Variants in DCDC1 observed in about 807,000 individuals in gnomAD.
DCDC1 encodes doublecortin domain containing 1, also known as doublecortin domain-containing protein 1.
A neutral mutation model predicts 178.3 loss-of-function variants in DCDC1; 200 were observed. That is an observed-to-expected ratio of 1.12 (90% CI 1.00 to 1.26). DCDC1 has a LOEUF of 1.26. Among genes scored for constraint, DCDC1 ranks in the 50% most tolerant of loss-of-function variants. The pLI, the probability that DCDC1 is intolerant of heterozygous loss-of-function variation, is 0.00. For missense variants in DCDC1, 1,983 were observed against 1,749.2 expected (o/e 1.13, Z -2.38); for synonymous variants, 690 against 604.8 (o/e 1.14, Z -2.07).
At chr11:31,361,851 A>G (rs1008441500) in intron 1 of DCDC1, among the ~76,000 whole-genome samples, 2 of 152,198 alleles carry the variant, frequency 1.3e-5, no homozygotes, top group African/African-American at 2.4e-5. Flanking sequence ...CATTTGCTCC[A>G]AATCCAACGC....
intron 9 of DCDC1, among the ~76,000 whole-genome samples, chr11:31,214,282 C>A (rs1407532192): frequency 6.6e-6 from 1 of 151,818 alleles, no homozygotes; most frequent in African/African-American, 2.4e-5. Context: ...AATCTTGGAA[C>A]AAGGGTTAAT....
At chr11:31,299,422 G>A (rs1466069908) in intron 6 of DCDC1, among the ~76,000 whole-genome samples, 1 of 152,068 alleles carries the variant, frequency 6.6e-6, no homozygotes, top group Non-Finnish European at 1.5e-5. Flanking sequence ...AGTTATGGCA[G>A]CTTAAAGTTA....
intron 9 of DCDC1, among the ~76,000 whole-genome samples, chr11:31,222,236 GTAT>G (rs912576316): frequency 1.3e-4 from 19 of 151,844 alleles, no homozygotes; most frequent in Non-Finnish European, 2.6e-4. Flanking sequence ...CTAATTTTTT[GTAT>G]TTTTAGTGAA....
chr11:30,947,186 T>A (rs1948105220), intron 21 of DCDC1, among the ~76,000 whole-genome samples: 1 of 151,978 alleles, frequency 6.6e-6, no homozygotes, highest in Non-Finnish European at 1.5e-5. Context: ...CAAAAATGCA[T>A]CATAAAGATA....
At chr11:30,920,730 T>C in intron 25 of DCDC1, 46 bp downstream of exon 25, 4 of 1,601,570 alleles carry the variant, frequency 2.5e-6, no homozygotes, top group Non-Finnish European at 3.4e-6. Context: ...ATGAGCTGAG[T>C]TCAAAAAGCA....
At chr11:31,286,773 C>A (rs1946869228) in intron 7 of DCDC1, among the ~76,000 whole-genome samples, 1 of 152,188 alleles carries the variant, frequency 6.6e-6, no homozygotes, top group Middle Eastern at 3.4e-3. Context: ...ACATCCAGAA[C>A]CCTTCCCACA....
At position 31,352,481 on chromosome 11, in the gene DCDC1, C is replaced by T. The variant is rs191884483; in HGVS notation, c.-124-16917G>A. On this transcript the variant is annotated intron_variant, in intron 1 of 38. Transcript: ENST00000684477. The stretch of plus-strand genomic sequence containing the variant: ...GAGCTCACAGTTTGATACTTAGCAA[C>T]GTAAGAGCTTTCGACTATTGTATTA... 5.1e-4 allele frequency among the ~76,000 whole-genome samples: 77 copies of T among 152,182 alleles called. 1 individual carries two copies. Among genetic ancestry groups the T allele is most frequent in the Non-Finnish European group, 2.1e-4 (14 of 67,980 alleles).
intron 2 of DCDC1, among the ~76,000 whole-genome samples, chr11:31,330,593 T>A (rs971872463): frequency 1.1e-4 from 17 of 152,348 alleles, no homozygotes; most frequent in Admixed American, 8.5e-4. Flanking sequence ...AAGGAAGGGA[T>A]CCAGTTTCAG....
At chr11:30,871,074 C>T (rs1484716365) in intron 38 of DCDC1, among the ~76,000 whole-genome samples, 2 of 152,172 alleles carry the variant, frequency 1.3e-5, no homozygotes, top group Non-Finnish European at 2.9e-5. Flanking sequence ...AGAAGCCATC[C>T]ATTCAACCTT....
At chr11:31,171,629 G>A (rs1967252895) in intron 9 of DCDC1, among the ~76,000 whole-genome samples, 1 of 152,178 alleles carries the variant, frequency 6.6e-6, no homozygotes, top group Non-Finnish European at 1.5e-5. Context: ...CATCCTAGAA[G>A]AGACGATCAT....
intron 9 of DCDC1, among the ~76,000 whole-genome samples, chr11:31,158,346 T>C (rs1965955411): frequency 6.6e-6 from 1 of 152,030 alleles, no homozygotes; most frequent in Non-Finnish European, 1.5e-5. Context: ...CTCGATCTCC[T>C]GACCTTGTGA....
intron 20 of DCDC1, among the ~76,000 whole-genome samples, chr11:30,963,665 A>G (rs1949253651): frequency 6.6e-6 from 1 of 152,136 alleles, no homozygotes; most frequent in South Asian, 2.1e-4. Context: ...GAGCCACATG[A>G]TAAGAATGGC....
intron 9 of DCDC1, among the ~76,000 whole-genome samples, chr11:31,218,168 A>AT (rs1234888516): frequency 1.3e-5 from 2 of 152,188 alleles, no homozygotes; most frequent in Non-Finnish European, 2.9e-5. Context: ...ATAATTACAG[A>AT]TTTTTTTAAT....
rs575203818 is a variant in DCDC1, at chr11:31,034,656, C to T, written c.2591+29813G>A. Reference sequence around the variant, plus strand: ...AGAGCAATAGGCTATACTGTATAGCCTAGGTGTGTAGTAGGCTATACCATT... The same window carrying T: ...AGAGCAATAGGCTATACTGTATAGCTTAGGTGTGTAGTAGGCTATACCATT... On this transcript the variant is annotated intron_variant, in intron 20 of 38. Transcript: ENST00000684477. 7.1e-3 allele frequency among the ~76,000 whole-genome samples: 1,084 copies of T among 152,236 alleles called. 5 individuals carry two copies. Among genetic ancestry groups the T allele is most frequent in the Non-Finnish European group, 0.012 (829 of 68,010 alleles).
In DCDC1 at chr11:31,345,257, G is replaced by GA. The variant is rs1950755115; in HGVS notation, c.-124-9694dup. Among the ~76,000 whole-genome samples the GA allele has an allele frequency of 3.3e-5, 5 of 152,206 alleles. No individual in the cohort carries two copies. In the South Asian group the frequency reaches 1.0e-3, roughly 32 times the overall value. The stretch of plus-strand genomic sequence containing the variant: ...TCAATTATAAATGATAAAATTCTAT[G>GA]AAAAAATGGAATAAACGTAAGTTTA... On this transcript the variant is annotated intron_variant, in intron 1 of 38. Coordinates refer to ENST00000684477, the MANE Select transcript of DCDC1 (RefSeq NM_001387274.1).
At position 31,328,185 on chromosome 11, in the gene DCDC1, G is replaced by C. The variant is rs1355273339; in HGVS notation, c.96C>G (p.Ser32Arg). The change falls in exon 3 of 39, where the codon AGC becomes AGG. Residue 32 changes from serine (S) to arginine (R), a missense_variant. Transcript: ENST00000684477. ...TEAMEVLQQS[S>R]PEGTLDGNTV... The stretch of plus-strand genomic sequence containing the variant: ...TATTCCCATCCAAAGTGCCTTCAGG[G>C]CTACTTTGCTGTAATACTTCCATTG... 1 of 1,612,026 alleles carries C rather than the reference G, an allele frequency of 6.2e-7. No individual in the cohort carries two copies. Among genetic ancestry groups the C allele is most frequent in the African/African-American group, 1.3e-5 (1 of 74,892 alleles).
chr11:31,159,003 T>C (rs1966030834), intron 9 of DCDC1, among the ~76,000 whole-genome samples: 1 of 151,770 alleles, frequency 6.6e-6, no homozygotes, highest in East Asian at 1.9e-4. Flanking sequence ...ATTGGATGTA[T>C]ACCAAAAAAA....
chr11:31,368,722 A>G (rs184671971), intron 1 of DCDC1, among the ~76,000 whole-genome samples: 1 of 152,228 alleles, frequency 6.6e-6, no homozygotes, highest in Non-Finnish European at 1.5e-5. Flanking sequence ...TCAGATTGGT[A>G]GAAGTTTAAA....
chr11:31,017,907 T>C (rs944742353), intron 20 of DCDC1, among the ~76,000 whole-genome samples: 3 of 152,238 alleles, frequency 2.0e-5, no homozygotes, highest in African/African-American at 7.2e-5. Context: ...TAAATTATTA[T>C]CATTAAAATG....
Sources: allele counts gnomAD v4.1 joint callset (sites outside exome capture counted in the v4.1 genomes callset), GRCh38; gene constraint gnomAD v4.1.1; transcripts MANE v1.5; gene names NCBI Gene and HGNC (gene_info 2026-07-23, HGNC 2026-07-21).